The following WWOX variants were observed in gnomAD, a reference collection of about 807,000 sequenced individuals.
WWOX encodes the protein WW domain-containing oxidoreductase.
WWOX carries 69 observed loss-of-function variants against 46.2 expected under a neutral mutation model. That is an observed-to-expected ratio of 1.49 (90% CI 1.23 to 1.82). The LOEUF is 1.82. WWOX is among the 40% of genes most tolerant of loss of function. WWOX has a pLI of 0.00. For missense variants in WWOX, 919 were observed against 542.6 expected (o/e 1.69, Z -6.89); for synonymous variants, 359 against 202.6 (o/e 1.77, Z -6.56).
At chr16:78,224,471 A>G (rs1158499832) in intron 5 of WWOX, among the ~76,000 whole-genome samples, 1 of 151,924 alleles carries the variant, frequency 6.6e-6, no homozygotes, top group Non-Finnish European at 1.5e-5. Flanking sequence ...TTCATGTAAT[A>G]GTATTTCTGT....
At chr16:79,058,111 A>G (rs868366237) in intron 8 of WWOX, among the ~76,000 whole-genome samples, 3,123 of 95,060 alleles carry the variant, frequency 0.033, 134 homozygotes, top group African/African-American at 0.12. Flanking sequence ...TTACTTAAAA[A>G]AAAAAAAAAC....
chr16:78,422,035 T>C (rs1305562829), intron 6 of WWOX, among the ~76,000 whole-genome samples: 1 of 152,210 alleles, frequency 6.6e-6, no homozygotes, highest in East Asian at 1.9e-4. Context: ...GAAAATATTT[T>C]AATATTTACT....
chr16:78,186,240 CT>C (rs34202784), intron 5 of WWOX, among the ~76,000 whole-genome samples: 19,226 of 143,882 alleles, frequency 0.13, 1,279 homozygotes, highest in African/African-American at 0.18. Flanking sequence ...TTCTTTTTAC[CT>C]TTTTTTTTTT....
intron 8 of WWOX, among the ~76,000 whole-genome samples, chr16:78,710,325 C>G (rs890188791): frequency 6.6e-6 from 1 of 151,306 alleles, no homozygotes; most frequent in African/African-American, 2.4e-5. Context: ...TCAAGAAATG[C>G]GGCAGCTGCT....
At chr16:78,541,740 T>C (rs1275829487) in intron 8 of WWOX, among the ~76,000 whole-genome samples, 1 of 151,860 alleles carries the variant, frequency 6.6e-6, no homozygotes, top group Non-Finnish European at 1.5e-5. Flanking sequence ...GCAGTTACAA[T>C]AATACCCACC....
At chr16:78,944,057 G>A (rs1422205579) in intron 8 of WWOX, among the ~76,000 whole-genome samples, 7 of 152,270 alleles carry the variant, frequency 4.6e-5, no homozygotes, top group Middle Eastern at 3.4e-3. Flanking sequence ...AATCAAGGAC[G>A]TATTGATTTC....
At chr16:78,636,790 G>A (rs557959051) in intron 8 of WWOX, among the ~76,000 whole-genome samples, 1 of 152,136 alleles carries the variant, frequency 6.6e-6, no homozygotes, top group African/African-American at 2.4e-5. Context: ...CTGGAAGGGA[G>A]GCAAGAGGCA....
At chr16:78,625,814 G>C (rs1259955443) in intron 8 of WWOX, among the ~76,000 whole-genome samples, 1 of 145,370 alleles carries the variant, frequency 6.9e-6, no homozygotes, top group Non-Finnish European at 1.5e-5. Context: ...AACTGCAAAA[G>C]TAATTGGCAA....
intron 8 of WWOX, among the ~76,000 whole-genome samples, chr16:78,681,157 G>A (rs746186826): frequency 2.4e-4 from 37 of 152,206 alleles, no homozygotes; most frequent in Non-Finnish European, 4.8e-4. Context: ...GCTGAGGCAG[G>A]AGAATCACTT....
intron 8 of WWOX, among the ~76,000 whole-genome samples, chr16:78,748,765 G>A (rs887961369): frequency 1.3e-5 from 2 of 152,178 alleles, no homozygotes; most frequent in Non-Finnish European, 2.9e-5. Context: ...TACACTGCTC[G>A]GTGATATTAC....
At chr16:79,033,981 G>A (rs74036007) in intron 8 of WWOX, among the ~76,000 whole-genome samples, 3,781 of 152,312 alleles carry the variant, frequency 0.025, 96 homozygotes, top group South Asian at 0.14. Flanking sequence ...AAGGGGTCAC[G>A]CAGGGGACTC....
At chr16:78,787,625 C>T (rs1277322674) in intron 8 of WWOX, among the ~76,000 whole-genome samples, 2 of 152,112 alleles carry the variant, frequency 1.3e-5, no homozygotes, top group Admixed American at 1.3e-4. Flanking sequence ...TATGATCATA[C>T]ATGTACTGTT....
In WWOX at chr16:78,622,754, C is replaced by T. The variant is rs190033187; in HGVS notation, c.1056+190002C>T. The stretch of plus-strand genomic sequence containing the variant: ...ATGTAACTGTTTAGATTCGGTTACA[C>T]TATATGGCAAAGCAAAGGGATTTTG... On this transcript the variant is annotated intron_variant, in intron 8 of 8. Transcript: ENST00000566780. Among the ~76,000 whole-genome samples the T allele has an allele frequency of 1.5e-4, 23 of 152,208 alleles. No homozygotes were observed. The East Asian group carries it at 4.3e-3, about 28-fold the overall frequency.
chr16:78,671,979 C>T (rs913322146), intron 8 of WWOX, among the ~76,000 whole-genome samples: 2 of 152,052 alleles, frequency 1.3e-5, no homozygotes, highest in Non-Finnish European at 2.9e-5. Context: ...TGATCCTTGG[C>T]AGTCTACTAC....
At chr16:78,553,438 G>C (rs553144830) in intron 8 of WWOX, 13 of 152,512 alleles carry the variant, frequency 8.5e-5, no homozygotes, top group African/African-American at 3.1e-4. Flanking sequence ...GGGGTGATTA[G>C]GGTAGGTGGG....
At chr16:78,537,122 G>C (rs1390194087) in intron 8 of WWOX, among the ~76,000 whole-genome samples, 2 of 152,092 alleles carry the variant, frequency 1.3e-5, no homozygotes, top group East Asian at 1.9e-4. Context: ...TTGCCATGTT[G>C]TCCAGGCTGG....
chr16:78,734,478 G>C (rs925091491), intron 8 of WWOX, among the ~76,000 whole-genome samples: 3 of 152,156 alleles, frequency 2.0e-5, no homozygotes, highest in Non-Finnish European at 4.4e-5. Flanking sequence ...ACGGTCTGCG[G>C]GTTGACATTT....
rs188727949 is a variant in WWOX at position 78,839,287 on chromosome 16, C to G, written c.1057-372321C>G. 1.1e-3 allele frequency among the ~76,000 whole-genome samples: 164 copies of G among 152,124 alleles called. 1 individual carries two copies. The highest frequency in any genetic ancestry group is 3.9e-3 in the African/African-American group (161 of 41,504). ...CCCTTCCAGTCTCTCTCTTCTGTTC[C>G]TAGATATAAAATGGAGAGGTTTTAA... On this transcript the variant is annotated intron_variant, in intron 8 of 8. Transcript: ENST00000566780.
intron 8 of WWOX, among the ~76,000 whole-genome samples, chr16:78,505,789 G>A (rs1192265739): frequency 1.3e-5 from 2 of 151,692 alleles, no homozygotes; most frequent in African/African-American, 4.8e-5. Context: ...GTTCCAGCTG[G>A]CCCACATACT....
Sources: gnomAD v4.1 joint callset for allele counts (sites outside exome capture counted in the v4.1 genomes callset) on GRCh38, gnomAD v4.1.1 for gene constraint, MANE v1.5 for transcripts, NCBI Gene and HGNC (gene_info 2026-07-23, HGNC 2026-07-21) for gene names.